FOXP1: variants seen among roughly 807,000 people sequenced by gnomAD.
FOXP1 encodes forkhead box protein P1.
Under a neutral mutation model 98.2 loss-of-function variants are expected in FOXP1, and 15 were observed. The observed-to-expected ratio is 0.15, with a 90% confidence interval of 0.10 to 0.24. The LOEUF (loss-of-function observed/expected upper bound fraction) is 0.24, where lower values mean the gene tolerates loss of function less well. Ranked by LOEUF, FOXP1 falls within the 10% of genes least tolerant of loss-of-function variation. The probability of loss-of-function intolerance (pLI) is 1.00; values close to 1 mark genes in which losing one functional copy is unlikely to be tolerated. For synonymous variants in FOXP1, 371 were observed against 314.5 expected (o/e 1.18, Z -1.90); for missense variants, 633 against 848.5 (o/e 0.75, Z 3.15).
intron 2 of FOXP1, among the ~76,000 whole-genome samples, chr3:71,522,184 T>TG (rs1419463023): frequency 2.0e-5 from 3 of 152,192 alleles, no homozygotes; most frequent in Non-Finnish European, 2.9e-5. Context: ...GAGCTCCCTG[T>TG]GGGCAGCTGC....
At chr3:71,097,093 A>G (rs2056528960) in intron 7 of FOXP1, among the ~76,000 whole-genome samples, 1 of 152,168 alleles carries the variant, frequency 6.6e-6, no homozygotes, top group Admixed American at 6.5e-5. Context: ...CCCCTCAATA[A>G]GGAATCCTGG....
chr3:71,288,043 G>T (rs1416511978), intron 5 of FOXP1, among the ~76,000 whole-genome samples: 1 of 151,930 alleles, frequency 6.6e-6, no homozygotes, highest in East Asian at 2.0e-4. Flanking sequence ...ACCACGCCCG[G>T]CTAATTTTGT....
intron 6 of FOXP1, among the ~76,000 whole-genome samples, chr3:71,147,820 G>A (rs749598739): frequency 4.6e-5 from 7 of 151,994 alleles, no homozygotes; most frequent in Non-Finnish European, 8.8e-5. Context: ...AAAAATTCTC[G>A]TCATCTCAGA....
intron 3 of FOXP1, among the ~76,000 whole-genome samples, chr3:71,480,857 A>G (rs1377973632): frequency 6.6e-6 from 1 of 152,086 alleles, no homozygotes; most frequent in African/African-American, 2.4e-5. Flanking sequence ...CCACACATAT[A>G]TCGGTCTTTC....
chr3:71,010,556 A>T (rs2043443605), intron 12 of FOXP1, among the ~76,000 whole-genome samples: 1 of 152,188 alleles, frequency 6.6e-6, no homozygotes, highest in Non-Finnish European at 1.5e-5. Flanking sequence ...GGGAACAGAA[A>T]ATAGGTGAAA....
At chr3:71,195,305 C>T (rs111421443) in intron 6 of FOXP1, among the ~76,000 whole-genome samples, 2,826 of 152,258 alleles carry the variant, frequency 0.019, 43 homozygotes, top group Non-Finnish European at 0.03. Context: ...ATTCTGAAAA[C>T]GGCATTTGCT....
chr3:71,208,919 T>C (rs559552505), intron 5 of FOXP1, among the ~76,000 whole-genome samples: 1 of 152,322 alleles, frequency 6.6e-6, no homozygotes, highest in African/African-American at 2.4e-5. Flanking sequence ...GTATGTTACA[T>C]AGATCAGCTG....
intron 6 of FOXP1, among the ~76,000 whole-genome samples, chr3:71,176,849 G>A (rs1222609078): frequency 4.0e-5 from 6 of 151,746 alleles, no homozygotes; most frequent in African/African-American, 1.5e-4. Context: ...ACAGCTTGAG[G>A]TCAGGAGTTC....
At chr3:71,115,084 G>A (rs546429057) in intron 6 of FOXP1, among the ~76,000 whole-genome samples, 2 of 152,152 alleles carry the variant, frequency 1.3e-5, no homozygotes, top group East Asian at 1.9e-4. Context: ...AGAGTTCTCA[G>A]AGTAATAGAC....
intron 12 of FOXP1, among the ~76,000 whole-genome samples, chr3:71,006,472 C>T (rs777891564): frequency 1.3e-5 from 2 of 152,034 alleles, no homozygotes; most frequent in Non-Finnish European, 2.9e-5. Flanking sequence ...TTATGAAGTA[C>T]CAGCAATCAA....
intron 3 of FOXP1, among the ~76,000 whole-genome samples, chr3:71,422,458 C>T (rs1473376644): frequency 1.3e-5 from 2 of 152,216 alleles, no homozygotes; most frequent in Non-Finnish European, 2.9e-5. Context: ...CGCGGCTGCT[C>T]GTTTGAGGAC....
At chr3:71,543,268 C>T (rs935210190) in intron 2 of FOXP1, among the ~76,000 whole-genome samples, 3 of 152,202 alleles carry the variant, frequency 2.0e-5, no homozygotes, top group Non-Finnish European at 4.4e-5. Flanking sequence ...ACTTGCTTTG[C>T]GGCTGTTAAA....
In FOXP1 at chr3:71,054,652, CT is replaced by C. The variant is rs2050369147; in HGVS notation, c.283-880del. Among the ~76,000 whole-genome samples, 4 of 152,322 alleles carry C rather than the reference CT, an allele frequency of 2.6e-5. No homozygotes were observed. In the South Asian group the frequency reaches 8.3e-4, roughly 32 times the overall value. On this transcript the variant is annotated intron_variant, in intron 7 of 20. Transcript: ENST00000649528. ...GTAATTTAGCTATTCAAAATAATCA[CT>C]GCACTTGTGTTTAATTTGCAGACTA...
intron 13 of FOXP1, among the ~76,000 whole-genome samples, chr3:71,000,242 A>G (rs2041938376): frequency 6.6e-6 from 1 of 151,872 alleles, no homozygotes; most frequent in South Asian, 2.1e-4. Context: ...TGCAAACTTT[A>G]TTTTCCCTAG....
Position 71,403,107 on chromosome 3 carries a change from T to C in FOXP1, c.-167-43863A>G, listed in dbSNP as rs141002116. Among the ~76,000 whole-genome samples, 378 of 152,372 alleles carry C rather than the reference T, an allele frequency of 2.5e-3. 2 individuals are homozygous for C. Among genetic ancestry groups the C allele is most frequent in the Non-Finnish European group, 3.7e-3 (255 of 68,038 alleles). On this transcript the variant is annotated intron_variant, in intron 3 of 20. Transcript: ENST00000649528. ...GAAGTTTACTTTTTTGTTTTGTTTT[T>C]TCTTTCTGGTAGAAATATCATAACC...
At chr3:71,001,374 A>G (rs958116659) in intron 12 of FOXP1, among the ~76,000 whole-genome samples, 3 of 152,212 alleles carry the variant, frequency 2.0e-5, no homozygotes, top group African/African-American at 7.2e-5. Flanking sequence ...GGCAGCAATC[A>G]GAGACAGGGC....
chr3:71,420,436 A>T (rs2083547281), intron 3 of FOXP1, among the ~76,000 whole-genome samples: 1 of 152,162 alleles, frequency 6.6e-6, no homozygotes, highest in South Asian at 2.1e-4. Flanking sequence ...TCTGAGCATC[A>T]GTGTCCTCAG....
chr3:71,372,179 A>ATT (rs71621938), intron 3 of FOXP1, among the ~76,000 whole-genome samples: 29,154 of 140,252 alleles, frequency 0.21, 3,601 homozygotes, highest in African/African-American at 0.34. Context: ...TTCCTGGCTA[A>ATT]TTTTTTTTTT....
chr3:71,429,829 T>A (rs541261284), intron 3 of FOXP1, among the ~76,000 whole-genome samples: 17 of 152,256 alleles, frequency 1.1e-4, no homozygotes, highest in African/African-American at 1.4e-4. Context: ...GTGGCTTTTT[T>A]CATTCACTTT....
Sources: allele counts gnomAD v4.1 joint callset (sites outside exome capture counted in the v4.1 genomes callset), GRCh38; gene constraint gnomAD v4.1.1; transcripts MANE v1.5; gene names NCBI Gene and HGNC (gene_info 2026-07-23, HGNC 2026-07-21).